Variants in ERCC1 observed in about 807,000 individuals in gnomAD.
ERCC1 encodes DNA excision repair protein ERCC-1.
Under a neutral mutation model 37.6 loss-of-function variants are expected in ERCC1, and 36 were observed. The observed-to-expected ratio is 0.96, with a 90% CI of 0.73 to 1.26. ERCC1 has a LOEUF of 1.26. Ranked by LOEUF, ERCC1 falls within the 50% of genes most tolerant of loss-of-function variation. The probability of loss-of-function intolerance (pLI) is 0.00; values close to 1 mark genes in which losing one functional copy is unlikely to be tolerated. For synonymous variants in ERCC1, 156 were observed against 162.1 expected (o/e 0.96, Z 0.28); for missense variants, 349 against 376.5 (o/e 0.93, Z 0.60).
intron 7 of ERCC1, 129 bp from the exon 8 acceptor site, chr19:45,414,163 T>G (rs1973908419): frequency 2.7e-6 from 2 of 740,302 alleles, no homozygotes; most frequent in Non-Finnish European, 4.8e-6. Context: ...AATAAACGCT[T>G]TTTTTCCCAA....
chr19:45,418,784 T>C (rs1227212074), intron 5 of ERCC1, among the ~76,000 whole-genome samples: 1 of 151,874 alleles, frequency 6.6e-6, no homozygotes, highest in African/African-American at 2.4e-5. Context: ...GATCAAGTCA[T>C]TGCACTCCAG....
At chr19:45,425,082 ATTTTTTTTT>A (rs35314737), upstream of ERCC1, among the ~76,000 whole-genome samples, 32,730 of 117,244 alleles carry the variant, frequency 0.28, 3,924 homozygotes, top group Admixed American at 0.39. Context: ...TGCCCGGCTA[ATTTTTTTTT>A]TTTTTTTTTT....
At chr19:45,439,848 C>A (rs775791505) in intron 1 of ERCC1, among the ~76,000 whole-genome samples, 26 of 152,024 alleles carry the variant, frequency 1.7e-4, no homozygotes, top group Admixed American at 9.2e-4. Flanking sequence ...CGCTCCTCCC[C>A]GGGGCCCTCA....
At chr19:45,417,439 A>G (rs1377573652) in intron 5 of ERCC1, among the ~76,000 whole-genome samples, 1 of 152,156 alleles carries the variant, frequency 6.6e-6, no homozygotes, top group Non-Finnish European at 1.5e-5. Flanking sequence ...GATGAGGAGG[A>G]GGAAAGGATG....
Position 45,407,835 on chromosome 19 carries a change from C to T in ERCC1, c.*1840G>A. 3.4e-6 allele frequency: 1 copy of T among 290,380 alleles called. No individual in the cohort carries two copies. Among genetic ancestry groups the T allele is most frequent in the Non-Finnish European group, 6.4e-6 (1 of 155,374 alleles). 18.0% of individuals were successfully genotyped at this position (290,380 alleles called of 1,614,324 possible). A position where few individuals can be genotyped will look rare whatever the true frequency, so the allele number is the denominator to read the frequency against. On this transcript the variant is annotated 3_prime_UTR_variant, in exon 10 of 10. Transcript: ENST00000300853. ...CTTTGGGAGGCCGAGGCGAGCAGAT[C>T]ACTTGAGGTCAGGAGTTCAAGACCA...
chr19:45,441,822 C>T (rs1029892612), intron 1 of ERCC1, among the ~76,000 whole-genome samples: 2 of 151,242 alleles, frequency 1.3e-5, no homozygotes, highest in African/African-American at 4.9e-5. Context: ...GGACTACAGG[C>T]CAGGCGCATG....
chr19:45,417,092 G>A (rs1374478788), intron 5 of ERCC1, among the ~76,000 whole-genome samples, 195 bp from the exon 6 acceptor site: 3 of 151,236 alleles, frequency 2.0e-5, no homozygotes, highest in African/African-American at 7.3e-5. Flanking sequence ...GTGAGACTCT[G>A]TCTCAAAAAA....
Position 45,421,379 on chromosome 19 carries a change from G to C in ERCC1, c.120C>G (p.Phe40Leu), listed in dbSNP as rs1271397166. ...CAGTGGGAAGGCTCTGTGTAGATCGGAATAAGGGCTTGGCCTGTGGGGAGA... is the reference window on the plus strand; with the variant it reads ...CAGTGGGAAGGCTCTGTGTAGATCGCAATAAGGGCTTGGCCTGTGGGGAGA... Reference protein sequence around the residue: ...EVPPGVAKPLFRSTQSLPTVD... With the variant: ...EVPPGVAKPLLRSTQSLPTVD... Residue 40 changes from phenylalanine to leucine, a missense_variant, in exon 3 of 10, where the codon TTC becomes TTG. Phe to Leu is a conservative substitution (Grantham distance 22, BLOSUM62 0). Coordinates refer to ENST00000300853, the MANE Select transcript of ERCC1 (RefSeq NM_001983.4). The C allele has an allele frequency of 1.3e-6, 2 of 1,581,174 alleles. No individual in the cohort carries two copies.
chr19:45,440,890 C>T (rs1457823458), intron 1 of ERCC1, among the ~76,000 whole-genome samples: 1 of 152,104 alleles, frequency 6.6e-6, no homozygotes, highest in Non-Finnish European at 1.5e-5. Context: ...TGCACCAGCA[C>T]ACCTGGCTAA....
intron 1 of ERCC1, among the ~76,000 whole-genome samples, chr19:45,447,140 G>T (rs1966968882): frequency 6.6e-6 from 1 of 152,178 alleles, no homozygotes; most frequent in South Asian, 2.1e-4. Context: ...TCCAATCACG[G>T]CCTAGGCCTG....
chr19:45,413,101 A>G (rs1973841285), intron 9 of ERCC1, among the ~76,000 whole-genome samples: 1 of 152,178 alleles, frequency 6.6e-6, no homozygotes, highest in East Asian at 1.9e-4. Flanking sequence ...TCCTATGCTT[A>G]TAGGGCATTA....
intron 9 of ERCC1, among the ~76,000 whole-genome samples, chr19:45,411,764 A>G (rs1973749799): frequency 6.6e-6 from 1 of 151,992 alleles, no homozygotes; most frequent in Admixed American, 6.6e-5. Flanking sequence ...ATTGCACTCC[A>G]GCCTGGGCAA....
chr19:45,450,235 A>C (rs999973691), intron 1 of ERCC1, among the ~76,000 whole-genome samples: 1 of 152,136 alleles, frequency 6.6e-6, no homozygotes, highest in Non-Finnish European at 1.5e-5. Context: ...ATACAGGTCC[A>C]CAAGCATGCC....
chr19:45,439,226 C>T (rs1366201825), intron 1 of ERCC1, among the ~76,000 whole-genome samples: 1 of 151,942 alleles, frequency 6.6e-6, no homozygotes, highest in Non-Finnish European at 1.5e-5. Context: ...AATAGCGCCT[C>T]GTTTTCTGGG....
intron 1 of ERCC1, among the ~76,000 whole-genome samples, chr19:45,439,460 G>A (rs1005172800): frequency 3.9e-5 from 6 of 152,182 alleles, no homozygotes; most frequent in Admixed American, 2.0e-4. Flanking sequence ...CACTTTGGGA[G>A]GCCGAGGTAG....
Position 45,419,390 on chromosome 19 carries a change from G to C in ERCC1, c.426-193C>G, listed in dbSNP as rs981832383. On this transcript the variant is annotated intron_variant, in intron 4 of 9. Transcript: ENST00000300853. Reference sequence around the variant, plus strand: ...GATGCTCCGCAGGGATTGGCAGCCAGGGCCACATGGCTGTGCTTACCTAGA... The same window carrying C: ...GATGCTCCGCAGGGATTGGCAGCCACGGCCACATGGCTGTGCTTACCTAGA... 2.2e-5 allele frequency: 13 copies of C among 593,082 alleles called. No homozygotes were observed. In the Admixed American group the frequency reaches 2.6e-4, roughly 12 times the overall value. The allele number at this position is 593,082 out of a possible 1,614,324, so 36.7% of individuals were successfully genotyped here.
At chr19:45,415,073 C>G (rs1599818150) in intron 6 of ERCC1, 113 bp from the exon 7 acceptor site, 5 of 709,354 alleles carry the variant, frequency 7.0e-6, no homozygotes, top group South Asian at 5.9e-5. Context: ...GTGGCTCACG[C>G]CTGTAATCCC....
intron 6 of ERCC1, 38 bp from the exon 7 acceptor site, chr19:45,414,998 T>G: frequency 6.8e-7 from 1 of 1,468,488 alleles, no homozygotes; most frequent in Non-Finnish European, 9.5e-7. Flanking sequence ...GGAGGTGAGG[T>G]ATCAGATTAT....
At chr19:45,430,783 G>A (rs537227327) in intron 1 of ERCC1, among the ~76,000 whole-genome samples, 1 of 152,030 alleles carries the variant, frequency 6.6e-6, no homozygotes, top group Non-Finnish European at 1.5e-5. Flanking sequence ...AGGGCATGGT[G>A]GTGGGTGCCT....
Sources: allele counts gnomAD v4.1 joint callset (sites outside exome capture counted in the v4.1 genomes callset), GRCh38; gene constraint gnomAD v4.1.1; transcripts MANE v1.5; gene names NCBI Gene and HGNC (gene_info 2026-07-23, HGNC 2026-07-21).